The following SENP7 variants were observed in gnomAD, a reference collection of about 807,000 sequenced individuals.
The protein encoded by SENP7 is SUMO specific peptidase 7.
In SENP7, 64 loss-of-function variants were observed where a neutral mutation model predicts 141.2. The ratio of observed to expected loss-of-function variants is 0.45; its 90% CI spans 0.37 to 0.56. SENP7 has a LOEUF of 0.56. Ranked by LOEUF, SENP7 falls within the 20% of genes least tolerant of loss-of-function variation. The pLI is 0.00. For synonymous variants in SENP7, 382 were observed against 426.4 expected (o/e 0.90, Z 1.28); for missense variants, 1,025 against 1,212.2 (o/e 0.85, Z 2.29).
chr3:101,340,468 TTA>T, intron 15 of SENP7: 1 of 379,804 alleles, frequency 2.6e-6, no homozygotes, highest in Non-Finnish European at 4.6e-6. Flanking sequence ...ACTATCTGAA[TTA>T]GTCTCTAATC....
chr3:101,478,983 A>T (rs929607726), intron 3 of SENP7, among the ~76,000 whole-genome samples: 4 of 152,116 alleles, frequency 2.6e-5, no homozygotes, highest in African/African-American at 7.2e-5. Context: ...GCAAAAAAAA[A>T]TTTGATAAAA....
intron 6 of SENP7, among the ~76,000 whole-genome samples, chr3:101,376,640 G>C (rs1028422120): frequency 8.6e-5 from 13 of 151,924 alleles, no homozygotes; most frequent in South Asian, 4.2e-4. Context: ...GTTGTGGGGT[G>C]GGGGGAGCGG....
At position 101,506,019 on chromosome 3, in the gene SENP7, A is replaced by ATTTTTTTTTTTTTTTTTTTTTT. The variant is rs143265103; in HGVS notation, c.41-4901_41-4900insAAAAAAAAAAAAAAAAAAAAAA. Among the ~76,000 whole-genome samples, 4 of 142,126 alleles carry ATTTTTTTTTTTTTTTTTTTTTT rather than the reference A, an allele frequency of 2.8e-5. 2 individuals are homozygous for ATTTTTTTTTTTTTTTTTTTTTT. The highest frequency in any genetic ancestry group is 3.0e-5 in the Non-Finnish European group (2 of 66,150). 93.2% of individuals were successfully genotyped at this position (142,126 alleles called of 152,430 possible). ...CCACTCATTCACTTATTTATTCCAT[A>ATTTTTTTTTTTTTTTTTTTTTT]ATTTTTTTTTTTTTTTTTTGAGACG... On this transcript the variant is annotated intron_variant, in intron 1 of 23. Transcript: ENST00000394095.
intron 6 of SENP7, among the ~76,000 whole-genome samples, chr3:101,393,231 T>C (rs1276824495): frequency 6.6e-6 from 1 of 152,078 alleles, no homozygotes. Context: ...GACCTGAAAA[T>C]GTAAAATTTC....
At chr3:101,346,761 G>GCTTT (rs1387630449) in intron 13 of SENP7, among the ~76,000 whole-genome samples, 4 of 151,884 alleles carry the variant, frequency 2.6e-5, no homozygotes, top group Non-Finnish European at 5.9e-5. Flanking sequence ...CAGGGGGAAA[G>GCTTT]GGTAGGAAGG....
chr3:101,356,001 C>G (rs2059732922), intron 11 of SENP7, among the ~76,000 whole-genome samples: 2 of 151,332 alleles, frequency 1.3e-5, no homozygotes, highest in African/African-American at 2.4e-5. Context: ...CCTGATTTGG[C>G]TCTTGGCTTT....
intron 4 of SENP7, among the ~76,000 whole-genome samples, chr3:101,446,863 G>C (rs1307434941): frequency 6.6e-6 from 1 of 151,894 alleles, no homozygotes; most frequent in African/African-American, 2.4e-5. Context: ...GACTAGAAAA[G>C]CAAGAACAAA....
chr3:101,490,302 CA>C (rs1347453775), intron 3 of SENP7, among the ~76,000 whole-genome samples: 12 of 149,266 alleles, frequency 8.0e-5, no homozygotes, highest in Admixed American at 7.3e-4. Flanking sequence ...TAAAAAGAAA[CA>C]AACCAGTGAT....
chr3:101,482,182 G>A (rs992549593), intron 3 of SENP7, among the ~76,000 whole-genome samples: 37 of 151,876 alleles, frequency 2.4e-4, no homozygotes, highest in Admixed American at 7.9e-4. Flanking sequence ...GTGTGGTGGC[G>A]GGCACCTGTA....
intron 13 of SENP7, among the ~76,000 whole-genome samples, chr3:101,344,991 C>CAAAAAAAAAAAAA (rs71132568): frequency 4.9e-5 from 3 of 61,342 alleles, no homozygotes; most frequent in Admixed American, 2.4e-4. Flanking sequence ...AAAAAGAAAG[C>CAAAAAAAAAAAAA]AAAAAAAAAA....
intron 4 of SENP7, among the ~76,000 whole-genome samples, chr3:101,444,241 A>C: frequency 6.9e-6 from 1 of 144,514 alleles, no homozygotes; most frequent in Non-Finnish European, 1.5e-5. Context: ...GTCAGGAAAC[A>C]ACAGGTGCTG....
chr3:101,498,544 T>C (rs1365060629), intron 2 of SENP7, among the ~76,000 whole-genome samples: 1 of 152,054 alleles, frequency 6.6e-6, no homozygotes, highest in Non-Finnish European at 1.5e-5. Context: ...AGTGTCATGG[T>C]CATGAAAGAA....
chr3:101,455,789 T>A (rs2063331727), intron 4 of SENP7, among the ~76,000 whole-genome samples: 1 of 152,204 alleles, frequency 6.6e-6, no homozygotes, highest in Non-Finnish European at 1.5e-5. Context: ...CTAACTTAAC[T>A]GTCATAATCC....
intron 4 of SENP7, among the ~76,000 whole-genome samples, chr3:101,453,086 A>C (rs2063208609): frequency 6.6e-6 from 1 of 152,238 alleles, no homozygotes; most frequent in Non-Finnish European, 1.5e-5. Flanking sequence ...AAAAGAAGAC[A>C]TTTATGCAGC....
chr3:101,400,582 C>T (rs113646427), intron 5 of SENP7, among the ~76,000 whole-genome samples: 7 of 151,078 alleles, frequency 4.6e-5, no homozygotes, highest in African/African-American at 1.7e-4. Flanking sequence ...TGAAGCACCA[C>T]AAACCATGCA....
intron 17 of SENP7, among the ~76,000 whole-genome samples, chr3:101,335,125 T>C (rs1271558754): frequency 6.6e-6 from 1 of 152,172 alleles, no homozygotes; most frequent in Non-Finnish European, 1.5e-5. Context: ...AACAAATTTT[T>C]TAAATGCCAG....
intron 4 of SENP7, chr3:101,457,262 A>G (rs1046323796): frequency 9.5e-6 from 15 of 1,585,652 alleles, no homozygotes; most frequent in Admixed American, 1.7e-5. Flanking sequence ...CATTCTTGGA[A>G]GCCTCATCAA....
chr3:101,332,161 T>C lies in SENP7; in HGVS notation c.2574-52A>G, dbSNP rs762704065. ...TACCATGCAAAGTCTAAACAACATATAATATATTCTAGAGATACATCTGAG... is the reference window on the plus strand; with the variant it reads ...TACCATGCAAAGTCTAAACAACATACAATATATTCTAGAGATACATCTGAG... On this transcript the variant is annotated intron_variant, in intron 18 of 23. Coordinates refer to ENST00000394095, the MANE Select transcript of SENP7 (RefSeq NM_020654.5). 15 of 1,545,574 alleles carry C rather than the reference T, an allele frequency of 9.7e-6. No individual in the cohort carries two copies. The South Asian group carries it at 1.4e-4, about 15-fold the overall frequency.
intron 1 of SENP7, among the ~76,000 whole-genome samples, chr3:101,502,587 C>T (rs539263803): frequency 1.3e-5 from 2 of 151,244 alleles, no homozygotes; most frequent in African/African-American, 2.4e-5. Context: ...TGAGCCACCG[C>T]GCCTGGCTGG....
Sources: allele counts gnomAD v4.1 joint callset (sites outside exome capture counted in the v4.1 genomes callset), GRCh38; gene constraint gnomAD v4.1.1; transcripts MANE v1.5; gene names NCBI Gene and HGNC (gene_info 2026-07-23, HGNC 2026-07-21).